ANKLE2: variants seen among roughly 807,000 people sequenced by gnomAD.
ANKLE2 encodes ankyrin repeat and LEM domain containing 2, also known as ankyrin repeat and LEM domain-containing protein 2.
In ANKLE2, 55 loss-of-function variants were observed where a neutral mutation model predicts 84.2. That is an observed-to-expected ratio of 0.65 (90% CI 0.53 to 0.82). The LOEUF (loss-of-function observed/expected upper bound fraction) is 0.82. Among genes scored for constraint, ANKLE2 ranks in the 40% least tolerant of loss-of-function variants. The pLI is 0.00. For synonymous variants in ANKLE2, 551 were observed against 486.1 expected (o/e 1.13, Z -1.76); for missense variants, 1,238 against 1,201.9 (o/e 1.03, Z -0.44).
At chr12:132,746,326 G>C (rs2044237589) in intron 5 of ANKLE2, among the ~76,000 whole-genome samples, 4 of 135,564 alleles carry the variant, frequency 3.0e-5, no homozygotes, top group Admixed American at 1.7e-4. Flanking sequence ...TCCCACCTGG[G>C]AGACAGAGCA....
chr12:132,761,668 C>A lies in ANKLE2; in HGVS notation c.131G>T (p.Arg44Leu), dbSNP rs1362551748. The A allele has an allele frequency of 5.3e-6, 7 of 1,309,242 alleles. No individual in the cohort carries two copies. The African/African-American group carries it at 9.2e-5, about 17-fold the overall frequency. The allele number at this position is 1,309,242 out of a possible 1,614,324, so 81.1% of individuals were successfully genotyped here. ...TGGCGGAGGAACTGGGGTCCCGCTGCGGCCCAGACCTCCCGGCCGCGGGCC... is the reference window on the plus strand; with the variant it reads ...TGGCGGAGGAACTGGGGTCCCGCTGAGGCCCAGACCTCCCGGCCGCGGGCC... Reference protein sequence around the residue: ...RLGPRPGGLGRSGTPVPPPSA... With the variant: ...RLGPRPGGLGLSGTPVPPPSA... Residue 44 changes from arginine to leucine, a missense_variant, in exon 1 of 13, where the codon CGC becomes CTC. By Grantham distance (102) the Arg-to-Leu change is moderately radical. Transcript: ENST00000357997.
chr12:132,736,946 T>TG lies in ANKLE2; in HGVS notation c.1539dup (p.Arg514GlnfsTer50), dbSNP rs1422981501. 6.2e-7 allele frequency: 1 copy of TG among 1,613,854 alleles called. No individual in the cohort carries two copies. Among genetic ancestry groups the TG allele is most frequent in the Admixed American group, 1.7e-5 (1 of 60,020 alleles). ...GCTCTCAGGGTCAGTACCGGGTCTC[T>TG]GGGGCTGCCTCCATAGCGGCTGACG... On this transcript the variant is annotated frameshift_variant, in exon 8 of 13. Transcript: ENST00000357997. LOFTEE classifies it high-confidence loss of function.
In ANKLE2 at chr12:132,761,810, G is replaced by A. The variant is rs1256109208; in HGVS notation, c.-12C>T. The A allele has an allele frequency of 8.6e-6, 9 of 1,045,118 alleles. No individual in the cohort carries two copies. Among genetic ancestry groups the A allele is most frequent in the Middle Eastern group, 4.4e-4 (1 of 2,292 alleles). The allele number at this position is 1,045,118 out of a possible 1,614,324, so 64.7% of individuals were successfully genotyped here. On this transcript the variant is annotated 5_prime_UTR_variant, in exon 1 of 13. Transcript: ENST00000357997. Reference sequence around the variant, plus strand: ...CGCGGCCACAGCATCGCCGCCGCCCGGGCCGCAGCCGCCGAGAAGCCCGCG... The same window carrying A: ...CGCGGCCACAGCATCGCCGCCGCCCAGGCCGCAGCCGCCGAGAAGCCCGCG...
In ANKLE2 at chr12:132,729,724, T is replaced by C; in HGVS notation, c.2438A>G (p.Gln813Arg). The C allele has an allele frequency of 6.2e-7, 1 of 1,610,200 alleles. No homozygotes were observed. Among genetic ancestry groups the C allele is most frequent in the Non-Finnish European group, 8.5e-7 (1 of 1,179,192 alleles). ...LSPSSPRHED[Q>R]LEVTREPARR... ...GGCCGGTTCCCTGGTGACCTCGAGC[T>C]GATCCTCGTGCCTGGGGCTGCTGGG... Residue 813 changes from glutamine (Q) to arginine (R), a missense_variant, in exon 11 of 13, where the codon CAG becomes CGG. Coordinates refer to ENST00000357997, the MANE Select transcript of ANKLE2 (RefSeq NM_015114.3).
At chr12:132,748,391 A>T in intron 3 of ANKLE2, 60 bp from the exon 4 acceptor site, 2 of 1,582,388 alleles carry the variant, frequency 1.3e-6, no homozygotes, top group Non-Finnish European at 1.7e-6. Context: ...CTCATCACCC[A>T]TGCACCCTCT....
At chr12:132,747,802 A>C in intron 5 of ANKLE2, 30 bp downstream of exon 5, 1 of 1,401,682 alleles carries the variant, frequency 7.1e-7, no homozygotes, top group Non-Finnish European at 9.7e-7. Context: ...AATTAAATAA[A>C]GAAAGCGTGA....
At position 132,748,039 on chromosome 12, in the gene ANKLE2, C is replaced by T. The variant is rs375615012; in HGVS notation, c.1042-19G>A. 86 of 1,597,426 alleles carry T rather than the reference C, an allele frequency of 5.4e-5. No homozygotes were observed. Among genetic ancestry groups the T allele is most frequent in the Non-Finnish European group, 7.0e-5 (82 of 1,171,624 alleles). On this transcript the variant is annotated intron_variant, in intron 4 of 12. Coordinates refer to ENST00000357997, the MANE Select transcript of ANKLE2 (RefSeq NM_015114.3). ...ACCCTTCCTGAAAGAGAACCGCATG[C>T]TCTGAGCTTCCTATCTGATGTGTGG...
chr12:132,751,768 C>A (rs1200274708), intron 2 of ANKLE2, among the ~76,000 whole-genome samples: 4 of 152,116 alleles, frequency 2.6e-5, no homozygotes, highest in Non-Finnish European at 5.9e-5. Flanking sequence ...GTCTTGAACT[C>A]CTGACCTTAG....
intron 12 of ANKLE2, 104 bp from the exon 13 acceptor site, chr12:132,727,547 CGGA>C (rs2136097958): frequency 7.6e-7 from 1 of 1,310,652 alleles, no homozygotes; most frequent in East Asian, 2.7e-5. Flanking sequence ...TGCGCCCGGG[CGGA>C]GGAGAGGCAC....
intron 10 of ANKLE2, chr12:132,734,068 T>A (rs1362551578): frequency 2.1e-6 from 1 of 472,562 alleles, no homozygotes. Context: ...AAACCGCATC[T>A]CCACTAAAAA....
Position 132,730,286 on chromosome 12 carries a change from G to A in ANKLE2, c.1892-16C>T. On this transcript the variant is annotated splice_polypyrimidine_tract_variant and intron_variant, in intron 10 of 12. Coordinates refer to ENST00000357997, the MANE Select transcript of ANKLE2 (RefSeq NM_015114.3). ...GAATTGCTGCCTGTGAGGACAACAA[G>A]GAGCACTTCAGTGATGGGAACGACA... 6.5e-7 allele frequency: 1 copy of A among 1,541,584 alleles called. No homozygotes were observed. Among genetic ancestry groups the A allele is most frequent in the Non-Finnish European group, 8.7e-7 (1 of 1,143,666 alleles).
chr12:132,750,422 G>A (rs968029196), intron 3 of ANKLE2, among the ~76,000 whole-genome samples: 2 of 151,936 alleles, frequency 1.3e-5, no homozygotes, highest in African/African-American at 4.8e-5. Context: ...CAACAGACAC[G>A]GGGACAGATG....
intron 1 of ANKLE2, chr12:132,758,933 G>GTTTAACCATTTGAGTTATTTC (rs1566041446): frequency 1.5e-4 from 21 of 139,878 alleles, no homozygotes; most frequent in African/African-American, 5.4e-4. Flanking sequence ...CCACGTGGCA[G>GTTTAACCATTTGAGTTATTTC]AGTGGATCAC....
chr12:132,731,739 C>T (rs1036839054), intron 10 of ANKLE2: 5 of 152,240 alleles, frequency 3.3e-5, no homozygotes, highest in Admixed American at 6.5e-5. Flanking sequence ...TGAGCCGCCA[C>T]GCCCGGCCGC....
chr12:132,730,531 A>C (rs994904194), intron 10 of ANKLE2: 2 of 439,850 alleles, frequency 4.5e-6, no homozygotes, highest in African/African-American at 3.9e-5. Flanking sequence ...AGACACAATC[A>C]GGCTGCTGGG....
At chr12:132,727,920 G>A (rs2043742789) in intron 12 of ANKLE2, 112 bp downstream of exon 12, 12 of 1,410,454 alleles carry the variant, frequency 8.5e-6, no homozygotes, top group Non-Finnish European at 1.1e-5. Flanking sequence ...TGGCTGACGG[G>A]CCTGCCAGCG....
rs761221400 is a variant in ANKLE2 at position 132,740,948 on chromosome 12, G to A, written c.1420+471C>T. On this transcript the variant is annotated intron_variant, in intron 7 of 12. Coordinates refer to ENST00000357997, the MANE Select transcript of ANKLE2 (RefSeq NM_015114.3). ...GGAGGAAGGAGGCAGCTTCAGAATC[G>A]AAGGAGTGACAGGGAGCGACCCCCA... Among the ~76,000 whole-genome samples the A allele has an allele frequency of 9.2e-4, 138 of 149,840 alleles. 1 individual carries two copies. Among genetic ancestry groups the A allele is most frequent in the Middle Eastern group, 3.4e-3 (1 of 290 alleles).
chr12:132,741,546 A>G, intron 6 of ANKLE2, 61 bp from the exon 7 acceptor site: 1 of 1,493,270 alleles, frequency 6.7e-7, no homozygotes, highest in Non-Finnish European at 9.3e-7. Flanking sequence ...TATCATTACA[A>G]TGATTTCAGA....
intron 7 of ANKLE2, chr12:132,738,529 T>TG (rs2044059201): frequency 6.7e-6 from 1 of 150,044 alleles, no homozygotes; most frequent in Non-Finnish European, 1.5e-5. Flanking sequence ...GTTTCATAGT[T>TG]TTTTTTTTTT....
Sources: gnomAD v4.1 joint callset for allele counts (sites outside exome capture counted in the v4.1 genomes callset) on GRCh38, gnomAD v4.1.1 for gene constraint, MANE v1.5 for transcripts, NCBI Gene and HGNC (gene_info 2026-07-23, HGNC 2026-07-21) for gene names.